The following SRD5A1 variants were observed in gnomAD, a reference collection of about 807,000 sequenced individuals.
SRD5A1 encodes the protein steroid 5 alpha-reductase 1.
Under a neutral mutation model 28.2 loss-of-function variants are expected in SRD5A1, and 22 were observed. That is an observed-to-expected ratio of 0.78 (90% CI 0.56 to 1.12). The LOEUF (loss-of-function observed/expected upper bound fraction) is 1.12. SRD5A1 is among the 50% of genes most tolerant of loss of function. The pLI is 0.00. For synonymous variants in SRD5A1, 151 were observed against 135.0 expected (o/e 1.12, Z -0.82); for missense variants, 300 against 346.7 (o/e 0.87, Z 1.07).
chr5:6,638,095 C>T (rs959584725), intron 1 of SRD5A1, among the ~76,000 whole-genome samples: 13 of 152,150 alleles, frequency 8.5e-5, no homozygotes, highest in African/African-American at 1.9e-4. Flanking sequence ...TCCCAGCACG[C>T]TGGGAGGCCG....
intron 1 of SRD5A1, among the ~76,000 whole-genome samples, chr5:6,649,303 T>A (rs1171194425): frequency 6.6e-6 from 1 of 152,242 alleles, no homozygotes; most frequent in Non-Finnish European, 1.5e-5. Flanking sequence ...CGTTTAAGTC[T>A]GCTGAAGCTG....
chr5:6,659,516 A>G (rs569694197), intron 3 of SRD5A1, among the ~76,000 whole-genome samples: 3 of 152,308 alleles, frequency 2.0e-5, no homozygotes, highest in Non-Finnish European at 2.9e-5. Context: ...GAAGAAATCC[A>G]AAGCATTGGA....
Position 6,650,367 on chromosome 5 carries a change from C to A in SRD5A1, c.294-1475C>A, listed in dbSNP as rs200492299. Among the ~76,000 whole-genome samples the A allele has an allele frequency of 3.3e-5, 5 of 151,260 alleles. No individual in the cohort carries two copies. In the East Asian group the frequency reaches 9.7e-4, roughly 29 times the overall value. On this transcript the variant is annotated intron_variant, in intron 1 of 4. Transcript: ENST00000274192. ...TTGAGGCTGCAGTGAGCCATGATTG[C>A]CCCACTGCACTCTAGCCTGAGTGAC...
intron 1 of SRD5A1, among the ~76,000 whole-genome samples, chr5:6,648,989 A>G (rs1738587064): frequency 6.6e-6 from 1 of 152,042 alleles, no homozygotes; most frequent in African/African-American, 2.4e-5. Flanking sequence ...CCTCTGCTGC[A>G]GGTCTGCCTG....
At chr5:6,659,369 T>A (rs1236744389) in intron 3 of SRD5A1, among the ~76,000 whole-genome samples, 2 of 151,956 alleles carry the variant, frequency 1.3e-5, no homozygotes, top group Non-Finnish European at 2.9e-5. Flanking sequence ...CACCTTGGCC[T>A]CCCAAAGTGC....
chr5:6,658,505 C>G (rs1440670785), intron 3 of SRD5A1, among the ~76,000 whole-genome samples: 1 of 152,166 alleles, frequency 6.6e-6, no homozygotes, highest in Non-Finnish European at 1.5e-5. Flanking sequence ...GTAATCAACC[C>G]AGCTTCCTGA....
In SRD5A1 at chr5:6,671,087, T is replaced by G. The variant is rs1739345952; in HGVS notation, c.*2819T>G. On this transcript the variant is annotated 3_prime_UTR_variant, in exon 5 of 5. Transcript: ENST00000274192. Reference sequence around the variant, plus strand: ...AGTTCTAAGGAATTTCCACACTGTTTTCCATGGTGGCTCTAATAGTTTACA... The same window carrying G: ...AGTTCTAAGGAATTTCCACACTGTTGTCCATGGTGGCTCTAATAGTTTACA... 6.6e-6 allele frequency: 1 copy of G among 152,218 alleles called. No homozygotes were observed. The highest frequency in any genetic ancestry group is 6.5e-5 in the Admixed American group (1 of 15,282). 9.4% of individuals were successfully genotyped at this position (152,218 alleles called of 1,614,324 possible).
At chr5:6,660,372 CGT>C (rs1738966002) in intron 3 of SRD5A1, among the ~76,000 whole-genome samples, 1 of 152,248 alleles carries the variant, frequency 6.6e-6, no homozygotes, top group African/African-American at 2.4e-5. Flanking sequence ...AGGAAGGCAT[CGT>C]GGCCCCAGCC....
At position 6,660,252 on chromosome 5, in the gene SRD5A1, A is replaced by G. The variant is rs369514918; in HGVS notation, c.563-2564A>G. On this transcript the variant is annotated intron_variant, in intron 3 of 4. Transcript: ENST00000274192. Reference sequence around the variant, plus strand: ...CATTTTTTAGCAGATTGGCATCTGCAGGTTTTCCAGTCTAATTCCATGCTT... The same window carrying G: ...CATTTTTTAGCAGATTGGCATCTGCGGGTTTTCCAGTCTAATTCCATGCTT... Among the ~76,000 whole-genome samples, 179 of 152,342 alleles carry G rather than the reference A, an allele frequency of 1.2e-3. 3 individuals are homozygous for G. The highest frequency in any genetic ancestry group is 4.0e-3 in the African/African-American group (167 of 41,578).
intron 3 of SRD5A1, among the ~76,000 whole-genome samples, chr5:6,662,256 C>G (rs939112385): frequency 6.6e-6 from 1 of 152,224 alleles, no homozygotes; most frequent in African/African-American, 2.4e-5. Context: ...GCTCCGGGGC[C>G]CCCTCACTCT....
intron 1 of SRD5A1, among the ~76,000 whole-genome samples, chr5:6,645,597 C>T (rs1738486077): frequency 6.6e-6 from 1 of 151,554 alleles, no homozygotes; most frequent in African/African-American, 2.4e-5. Context: ...CGAGATCACG[C>T]CACTGCACTC....
intron 2 of SRD5A1, among the ~76,000 whole-genome samples, chr5:6,655,210 A>G (rs1186851277): frequency 6.6e-6 from 1 of 152,252 alleles, no homozygotes; most frequent in African/African-American, 2.4e-5. Flanking sequence ...GAATGCCAGC[A>G]CTAAGCAGCA....
intron 1 of SRD5A1, among the ~76,000 whole-genome samples, chr5:6,643,180 C>T (rs556009525): frequency 6.6e-6 from 1 of 152,286 alleles, no homozygotes; most frequent in South Asian, 2.1e-4. Context: ...ATCTAAAGAG[C>T]CTAACCCTTC....
At chr5:6,657,331 G>A (rs1316942047) in intron 3 of SRD5A1, among the ~76,000 whole-genome samples, 3 of 152,106 alleles carry the variant, frequency 2.0e-5, no homozygotes, top group African/African-American at 7.2e-5. Context: ...CAGCCCCTGG[G>A]TGGATTGGGG....
chr5:6,653,476 A>G (rs2126540242), intron 2 of SRD5A1: 1 of 152,306 alleles, frequency 6.6e-6, no homozygotes, highest in East Asian at 1.9e-4. Context: ...GTTCCTGTGC[A>G]GATCACACGA....
rs1355049526 is a variant in SRD5A1, at chr5:6,671,664, T to C, written c.*3396T>C. On this transcript the variant is annotated 3_prime_UTR_variant, in exon 5 of 5. Coordinates refer to ENST00000274192, the MANE Select transcript of SRD5A1 (RefSeq NM_001047.4). ...AAGGCATAAGAATGGTACAATGGACTTTGGGGACTTGGGGGGAAGGGTAAG... is the reference window on the plus strand; with the variant it reads ...AAGGCATAAGAATGGTACAATGGACCTTGGGGACTTGGGGGGAAGGGTAAG... 4 of 142,948 alleles carry C rather than the reference T, an allele frequency of 2.8e-5. No individual in the cohort carries two copies. Among genetic ancestry groups the C allele is most frequent in the Non-Finnish European group, 1.5e-5 (1 of 65,384 alleles). The allele number at this position is 142,948 out of a possible 1,614,324, so 8.9% of individuals were successfully genotyped here. A position where few individuals can be genotyped will look rare whatever the true frequency, so the allele number is the denominator to read the frequency against.
chr5:6,645,623 G>A (rs2126532304), intron 1 of SRD5A1, among the ~76,000 whole-genome samples: 1 of 143,650 alleles, frequency 7.0e-6, no homozygotes, highest in African/African-American at 2.7e-5. Context: ...TGGACCACAA[G>A]AGCGAAACTC....
At chr5:6,657,408 C>T (rs747739198) in intron 3 of SRD5A1, among the ~76,000 whole-genome samples, 4 of 152,214 alleles carry the variant, frequency 2.6e-5, no homozygotes, top group South Asian at 2.1e-4. Context: ...CCCAAGGAGC[C>T]GCTTCCTCTG....
chr5:6,635,379 A>G (rs1738153455), intron 1 of SRD5A1, among the ~76,000 whole-genome samples: 1 of 152,142 alleles, frequency 6.6e-6, no homozygotes, highest in African/African-American at 2.4e-5. Context: ...TGCTGTTTGT[A>G]TATACTTTTC....
Sources: allele counts gnomAD v4.1 joint callset (sites outside exome capture counted in the v4.1 genomes callset), GRCh38; gene constraint gnomAD v4.1.1; transcripts MANE v1.5; gene names NCBI Gene and HGNC (gene_info 2026-07-23, HGNC 2026-07-21).